Variants in F9 observed in about 807,000 individuals in gnomAD.
The protein encoded by F9 is Christmas factor.
A neutral mutation model predicts 34.1 loss-of-function variants in F9; 2 were observed. The ratio of observed to expected loss-of-function variants is 0.06; its 90% CI spans 0.02 to 0.18. The LOEUF (loss-of-function observed/expected upper bound fraction) is 0.18, where lower values mean the gene tolerates loss of function less well. F9 is among the 10% of genes least tolerant of loss of function. The probability of loss-of-function intolerance (pLI) is 1.00; values close to 1 mark genes in which losing one functional copy is unlikely to be tolerated. For synonymous variants in F9, 137 were observed against 118.8 expected (o/e 1.15, Z -1.00); for missense variants, 216 against 345.1 (o/e 0.63, Z 2.96).
At chrX:139,535,401 GA>G (rs1276368661) in intron 1 of F9, among the ~76,000 whole-genome samples, 3 of 111,024 alleles carry the variant, frequency 2.7e-5, no homozygotes, top group Non-Finnish European at 5.7e-5. Context: ...TAAATTCAAA[GA>G]AAAAAAGTGA....
At position 139,537,456 on chromosome X, in the gene F9, A is replaced by G. The variant is rs753662867; in HGVS notation, c.277+70A>G. On this transcript the variant is annotated intron_variant, in intron 3 of 7. Transcript: ENST00000218099. ...AGAATTATGTGGGTTTTTTCTCTGC[A>G]TAAATAGATAATATATTAAACTTTG... The G allele has an allele frequency of 1.9e-4, 167 of 866,782 alleles. 1 individual carries two copies. The highest frequency in any genetic ancestry group is 1.7e-5 in the Non-Finnish European group (10 of 589,082). The allele number at this position is 866,782 out of a possible 1,213,427, so 71.4% of individuals were successfully genotyped here. A position where few individuals can be genotyped will look rare whatever the true frequency, so the allele number is the denominator to read the frequency against.
chrX:139,556,961 G>A (rs749441771), intron 6 of F9, among the ~76,000 whole-genome samples: 1 of 112,205 alleles, frequency 8.9e-6, no homozygotes, highest in African/African-American at 3.2e-5. Context: ...CGCAGGTAAC[G>A]GTTACGTTGG....
chrX:139,555,731 A>G (rs1439144057), intron 6 of F9, among the ~76,000 whole-genome samples: 1 of 112,596 alleles, frequency 8.9e-6, no homozygotes, highest in Non-Finnish European at 1.9e-5. Flanking sequence ...TAAATGCACT[A>G]CACAGGAACA....
intron 1 of F9, 123 bp from the exon 2 acceptor site, chrX:139,536,887 C>A (rs1927487695): frequency 8.6e-6 from 6 of 695,951 alleles, no homozygotes; most frequent in Non-Finnish European, 1.3e-5. Flanking sequence ...TGGCTCCATG[C>A]CCTAAAGAGA....
At chrX:139,536,226 TAC>T (rs1440535787) in intron 1 of F9, among the ~76,000 whole-genome samples, 1 of 104,235 alleles carries the variant, frequency 9.6e-6, no homozygotes, top group Admixed American at 1.0e-4. Flanking sequence ...CATATATATG[TAC>T]ACACATATAT....
intron 4 of F9, 118 bp from the exon 5 acceptor site, chrX:139,548,245 T>C: frequency 2.5e-6 from 2 of 799,149 alleles, no homozygotes; most frequent in Admixed American, 5.0e-5. Context: ...CAACGTATAT[T>C]GGGGGCAACA....
intron 7 of F9, 30 bp downstream of exon 7, chrX:139,560,885 A>C: frequency 1.0e-6 from 1 of 960,335 alleles, no homozygotes; most frequent in Non-Finnish European, 1.5e-6. Context: ...AATAATCTGC[A>C]GCACCACTAG....
intron 3 of F9, among the ~76,000 whole-genome samples, 182 bp downstream of exon 3, chrX:139,537,568 C>T (rs1452414701): frequency 9.0e-6 from 1 of 111,243 alleles, no homozygotes; most frequent in African/African-American, 3.3e-5. Flanking sequence ...TGGGAACTAT[C>T]GCTGGTAAAT....
In F9 at chrX:139,562,122, C is replaced by A; in HGVS notation, c.*51C>A. The A allele has an allele frequency of 1.9e-6, 2 of 1,033,614 alleles. No homozygotes were observed. The highest frequency in any genetic ancestry group is 1.4e-6 in the Non-Finnish European group (1 of 736,412). 85.2% of individuals were successfully genotyped at this position (1,033,614 alleles called of 1,213,427 possible). A position where few individuals can be genotyped will look rare whatever the true frequency, so the allele number is the denominator to read the frequency against. On this transcript the variant is annotated 3_prime_UTR_variant, in exon 8 of 8. Transcript: ENST00000218099. ...TCATTGGAATTGAAAATTAACAGGG[C>A]CTCTCACTAACTAATCACTTTCCCA...
chrX:139,537,425 C>T (rs1211770386), intron 3 of F9, 39 bp downstream of exon 3: 4 of 1,087,345 alleles, frequency 3.7e-6, no homozygotes, highest in South Asian at 3.8e-5. Context: ...ATATATGAAA[C>T]ATATGAGAAT....
chrX:139,544,856 A>G (rs1927679835), intron 4 of F9: 1 of 111,941 alleles, frequency 8.9e-6, no homozygotes, highest in Non-Finnish European at 1.9e-5. Flanking sequence ...AAGCGGTGAA[A>G]GAATTTGTCT....
chrX:139,562,150 T>G lies in F9; in HGVS notation c.*79T>G. On this transcript the variant is annotated 3_prime_UTR_variant, in exon 8 of 8. Transcript: ENST00000218099. ...CTCACTAACTAATCACTTTCCCATC[T>G]TTTGTTAGATTTGAATATATACATT... 2 of 865,613 alleles carry G rather than the reference T, an allele frequency of 2.3e-6. No homozygotes were observed. The highest frequency in any genetic ancestry group is 3.4e-6 in the Non-Finnish European group (2 of 593,748). The allele number at this position is 865,613 out of a possible 1,213,427, so 71.3% of individuals were successfully genotyped here.
chrX:139,548,201 C>G (rs1183632015), intron 4 of F9, among the ~76,000 whole-genome samples, 162 bp from the exon 5 acceptor site: 1 of 110,672 alleles, frequency 9.0e-6, no homozygotes, highest in Non-Finnish European at 1.9e-5. Context: ...CCTTTCTTTC[C>G]ACTCTTATTT....
intron 3 of F9, among the ~76,000 whole-genome samples, chrX:139,539,640 C>T (rs1457122506): frequency 2.7e-5 from 3 of 112,130 alleles, no homozygotes; most frequent in African/African-American, 6.5e-5. Context: ...GTAAAACATC[C>T]TGAATAATTC....
intron 1 of F9, among the ~76,000 whole-genome samples, chrX:139,533,090 C>T (rs1417199695): frequency 9.0e-6 from 1 of 111,043 alleles, no homozygotes; most frequent in Admixed American, 9.6e-5. Context: ...CTGCGGGAGA[C>T]ATAAAGGCTA....
At chrX:139,533,223 G>A (rs763516432) in intron 1 of F9, among the ~76,000 whole-genome samples, 9 of 112,360 alleles carry the variant, frequency 8.0e-5, no homozygotes, top group African/African-American at 2.9e-4. Flanking sequence ...GGGACTTTGT[G>A]TTTGATGTGA....
Position 139,562,125 on chromosome X carries a change from C to G in F9, c.*54C>G, listed in dbSNP as rs754718739. The G allele has an allele frequency of 4.0e-6, 4 of 997,879 alleles. No homozygotes were observed. The South Asian group carries it at 7.8e-5, about 20-fold the overall frequency. 82.2% of individuals were successfully genotyped at this position (997,879 alleles called of 1,213,427 possible). ...TTGGAATTGAAAATTAACAGGGCCTCTCACTAACTAATCACTTTCCCATCT... is the reference window on the plus strand; with the variant it reads ...TTGGAATTGAAAATTAACAGGGCCTGTCACTAACTAATCACTTTCCCATCT... On this transcript the variant is annotated 3_prime_UTR_variant, in exon 8 of 8. Transcript: ENST00000218099.
chrX:139,546,256 CCTT>C (rs929601764), intron 4 of F9, among the ~76,000 whole-genome samples: 12 of 112,120 alleles, frequency 1.1e-4, no homozygotes, highest in African/African-American at 3.6e-4. Flanking sequence ...GACATAATCT[CCTT>C]CTTTTCTATG....
intron 6 of F9, among the ~76,000 whole-genome samples, chrX:139,555,420 G>T (rs1927944412): frequency 8.9e-6 from 1 of 112,857 alleles, no homozygotes; most frequent in Non-Finnish European, 1.9e-5. Flanking sequence ...AAGGGCCAAC[G>T]CAGCCGCGCC....
Sources: gnomAD v4.1 joint callset for allele counts (sites outside exome capture counted in the v4.1 genomes callset) on GRCh38, gnomAD v4.1.1 for gene constraint, MANE v1.5 for transcripts, NCBI Gene and HGNC (gene_info 2026-07-23, HGNC 2026-07-21) for gene names.